The following ABCA13 variants were observed in gnomAD, a reference collection of about 807,000 sequenced individuals.
The protein encoded by ABCA13 is ATP binding cassette subfamily A member 13, also known as ATP-binding cassette sub-family A member 13.
Under a neutral mutation model 478.7 loss-of-function variants are expected in ABCA13, and 476 were observed. The ratio of observed to expected loss-of-function variants is 0.99; its 90% CI spans 0.92 to 1.07. The LOEUF is 1.07. ABCA13 is among the 50% of genes least tolerant of loss of function. The pLI is 0.00. For synonymous variants in ABCA13, 2,252 were observed against 2,158.9 expected, an observed-to-expected ratio of 1.04 and a Z score of -1.20; for missense variants, 6,060 against 5,910.6, an observed-to-expected ratio of 1.03 and a Z score of -0.83.
intron 35 of ABCA13, among the ~76,000 whole-genome samples, chr7:48,380,655 C>G (rs1395731485): frequency 6.6e-6 from 1 of 152,188 alleles, no homozygotes; most frequent in Non-Finnish European, 1.5e-5. Context: ...ACCCAGGCAT[C>G]TGCACACTAA....
intron 31 of ABCA13, among the ~76,000 whole-genome samples, chr7:48,355,013 G>T (rs988757695): frequency 6.6e-6 from 1 of 151,978 alleles, no homozygotes; most frequent in Admixed American, 6.5e-5. Flanking sequence ...AATAAGTAAA[G>T]AAAATAAGTA....
At chr7:48,577,689 G>C (rs1788313245) in intron 55 of ABCA13, among the ~76,000 whole-genome samples, 1 of 151,710 alleles carries the variant, frequency 6.6e-6, no homozygotes, top group Non-Finnish European at 1.5e-5. Flanking sequence ...ATGTCTTTTA[G>C]AAAATAGATA....
chr7:48,301,053 T>C (rs571256971), intron 23 of ABCA13, among the ~76,000 whole-genome samples: 1 of 152,344 alleles, frequency 6.6e-6, no homozygotes, highest in South Asian at 2.1e-4. Context: ...GTCCCTTTAT[T>C]TTCTGTGGTA....
At chr7:48,546,832 T>G (rs1325181874) in intron 55 of ABCA13, among the ~76,000 whole-genome samples, 1 of 151,732 alleles carries the variant, frequency 6.6e-6, no homozygotes, top group Non-Finnish European at 1.5e-5. Flanking sequence ...CAAAAAGACA[T>G]GGAACTCATT....
rs772204219 is a variant in ABCA13 at position 48,239,411 on chromosome 7, G to C, written c.1062+6G>C. The C allele has an allele frequency of 6.8e-6, 11 of 1,609,634 alleles. No individual in the cohort carries two copies. The highest frequency in any genetic ancestry group is 9.3e-6 in the Non-Finnish European group (11 of 1,177,680). On this transcript the variant is annotated splice_donor_region_variant and intron_variant, in intron 9 of 61. Transcript: ENST00000435803. Reference sequence around the variant, plus strand: ...GGCTGCGAGTCTACCAACAGGTGCTGTCCCCTCTCTCTATGTTCTGTTCAA... The same window carrying C: ...GGCTGCGAGTCTACCAACAGGTGCTCTCCCCTCTCTCTATGTTCTGTTCAA...
chr7:48,562,565 G>A (rs1344545512), intron 55 of ABCA13, among the ~76,000 whole-genome samples: 1 of 151,986 alleles, frequency 6.6e-6, no homozygotes, highest in Non-Finnish European at 1.5e-5. Flanking sequence ...CTCTTGACCA[G>A]GGCCAGTGAA....
At chr7:48,213,494 G>A (rs1785989073) in intron 3 of ABCA13, among the ~76,000 whole-genome samples, 2 of 152,150 alleles carry the variant, frequency 1.3e-5, no homozygotes, top group African/African-American at 4.8e-5. Flanking sequence ...CTTTTTGCTG[G>A]TAAAGATCTT....
intron 20 of ABCA13, among the ~76,000 whole-genome samples, chr7:48,289,123 G>A (rs1227664970): frequency 6.6e-6 from 1 of 152,156 alleles, no homozygotes. Context: ...CGAATGCCAT[G>A]CCTTGGTGAA....
intron 27 of ABCA13, among the ~76,000 whole-genome samples, chr7:48,327,183 G>T (rs1444825096): frequency 6.6e-6 from 1 of 152,168 alleles, no homozygotes; most frequent in African/African-American, 2.4e-5. Flanking sequence ...TTGACTCACA[G>T]TTTCACATGG....
intron 53 of ABCA13, among the ~76,000 whole-genome samples, 171 bp downstream of exon 53, chr7:48,520,465 C>T (rs1249172743): frequency 6.6e-6 from 1 of 152,034 alleles, no homozygotes; most frequent in Non-Finnish European, 1.5e-5. Context: ...TGTCAGTCAC[C>T]CACACCAGGA....
chr7:48,597,174 T>C (rs897379018), intron 58 of ABCA13, among the ~76,000 whole-genome samples: 1 of 152,076 alleles, frequency 6.6e-6, no homozygotes, highest in Non-Finnish European at 1.5e-5. Flanking sequence ...ATGGTCTCGA[T>C]CTCCTGACCT....
intron 27 of ABCA13, among the ~76,000 whole-genome samples, chr7:48,323,558 A>G (rs1009083107): frequency 6.6e-6 from 1 of 152,118 alleles, no homozygotes; most frequent in African/African-American, 2.4e-5. Flanking sequence ...TGGGCCAGGC[A>G]CCTTATGTGG....
At position 48,353,840 on chromosome 7, in the gene ABCA13, G is replaced by A. The variant is rs746458370; in HGVS notation, c.10688+1353G>A. 3.3e-5 allele frequency among the ~76,000 whole-genome samples: 5 copies of A among 151,974 alleles called. 1 individual carries two copies. Among genetic ancestry groups the A allele is most frequent in the African/African-American group, 4.8e-5 (2 of 41,252 alleles). On this transcript the variant is annotated intron_variant, in intron 31 of 61. Coordinates refer to ENST00000435803, the MANE Select transcript of ABCA13 (RefSeq NM_152701.5). ...AGGTCAGGAAGAAAGAGACTAAGGC[G>A]ACATTTTCACTCAGGGGCTGCCTTG...
intron 25 of ABCA13, among the ~76,000 whole-genome samples, 199 bp from the exon 26 acceptor site, chr7:48,314,033 G>C (rs760759514): frequency 4.6e-5 from 7 of 151,660 alleles, no homozygotes; most frequent in East Asian, 1.9e-4. Context: ...TCTTCTACCA[G>C]GTATGTTGGC....
At chr7:48,432,586 A>T (rs1242401915) in intron 42 of ABCA13, among the ~76,000 whole-genome samples, 2 of 152,182 alleles carry the variant, frequency 1.3e-5, no homozygotes, top group Non-Finnish European at 2.9e-5. Flanking sequence ...TCATCAACAG[A>T]TGAATGGATA....
chr7:48,201,242 T>C (rs1423796377), intron 3 of ABCA13, among the ~76,000 whole-genome samples: 2 of 152,200 alleles, frequency 1.3e-5, no homozygotes, highest in African/African-American at 2.4e-5. Context: ...CTACTTAAGA[T>C]CTTTAATTTA....
intron 30 of ABCA13, among the ~76,000 whole-genome samples, chr7:48,351,885 T>A (rs1809061476): frequency 6.6e-6 from 1 of 152,168 alleles, no homozygotes; most frequent in Admixed American, 6.5e-5. Flanking sequence ...AAAAAAACCC[T>A]GCAAAAAACA....
At chr7:48,479,071 C>A (rs1022133604) in intron 45 of ABCA13, among the ~76,000 whole-genome samples, 1 of 151,174 alleles carries the variant, frequency 6.6e-6, no homozygotes, top group Admixed American at 6.6e-5. Context: ...CCTCAGCCTC[C>A]CAAGTAGCTG....
At chr7:48,500,588 T>C (rs939770645) in intron 48 of ABCA13, among the ~76,000 whole-genome samples, 1 of 152,220 alleles carries the variant, frequency 6.6e-6, no homozygotes, top group Admixed American at 6.5e-5. Context: ...TTTCAACGAA[T>C]GACTATGATT....
Sources: allele counts gnomAD v4.1 joint callset (sites outside exome capture counted in the v4.1 genomes callset), GRCh38; gene constraint gnomAD v4.1.1; transcripts MANE v1.5; gene names NCBI Gene and HGNC (gene_info 2026-07-23, HGNC 2026-07-21).